The following MAMDC2 variants were observed in gnomAD, a reference collection of about 807,000 sequenced individuals.
MAMDC2 encodes MAM domain containing 2.
A neutral mutation model predicts 89.8 loss-of-function variants in MAMDC2; 57 were observed. The observed-to-expected ratio is 0.63, with a 90% CI of 0.51 to 0.79. The LOEUF is 0.79. Ranked by LOEUF, MAMDC2 falls within the 30% of genes least tolerant of loss-of-function variation. MAMDC2 has a pLI of 0.00. For synonymous variants in MAMDC2, 313 were observed against 293.4 expected (o/e 1.07, Z -0.68); for missense variants, 800 against 820.6 (o/e 0.97, Z 0.31).
At position 70,140,235 on chromosome 9, in the gene MAMDC2, G is replaced by C. The variant is rs368297806; in HGVS notation, c.1085G>C (p.Arg362Pro). The C allele has an allele frequency of 6.3e-7, 1 of 1,599,618 alleles. No individual in the cohort carries two copies. Among genetic ancestry groups the C allele is most frequent in the Non-Finnish European group, 8.5e-7 (1 of 1,175,584 alleles). Residue 362 changes from arginine to proline, a missense_variant, in exon 8 of 14, where the codon CGA becomes CCA. Physicochemically the swap from Arg to Pro is moderately radical, Grantham distance 103. Transcript: ENST00000377182. ...GATAAAGAAGGTCCAGGTTGGACCC[G>C]AGTGAAAGTAAAACCAAACATGTAT... ...YQDKEGPGWT[R>P]VKVKPNMYRA... is the part of the protein sequence containing the mutation.
chr9:70,215,450 T>C (rs1445906554), intron 11 of MAMDC2, among the ~76,000 whole-genome samples: 3 of 152,222 alleles, frequency 2.0e-5, no homozygotes, highest in African/African-American at 7.2e-5. Flanking sequence ...AGATGAAAAG[T>C]TGAAGTTGAC....
At chr9:70,123,351 T>G (rs1163264729) in intron 5 of MAMDC2, among the ~76,000 whole-genome samples, 1 of 151,964 alleles carries the variant, frequency 6.6e-6, no homozygotes, top group African/African-American at 2.4e-5. Flanking sequence ...CAGGAGTGCT[T>G]TAGAGGGTTT....
intron 11 of MAMDC2, 153 bp from the exon 12 acceptor site, chr9:70,218,181 TCTC>T (rs1351478972): frequency 5.7e-6 from 4 of 698,130 alleles, no homozygotes; most frequent in Non-Finnish European, 8.9e-6. Flanking sequence ...AGTTATTCAT[TCTC>T]CTTAGATAAT....
intron 2 of MAMDC2, among the ~76,000 whole-genome samples, chr9:70,078,385 A>G (rs550838257): frequency 1.2e-4 from 19 of 152,320 alleles, no homozygotes; most frequent in African/African-American, 4.1e-4. Flanking sequence ...GGCACAAAAT[A>G]TAATTTAAAC....
intron 11 of MAMDC2, among the ~76,000 whole-genome samples, chr9:70,202,519 A>C (rs1335894065): frequency 2.6e-5 from 4 of 151,304 alleles, no homozygotes; most frequent in Non-Finnish European, 5.9e-5. Context: ...GCTGAAAAAA[A>C]ATGTATATTC....
In MAMDC2 at chr9:70,126,421, T is replaced by G. The variant is rs2030553710; in HGVS notation, c.900+6T>G. The G allele has an allele frequency of 1.2e-6, 2 of 1,610,222 alleles. No individual in the cohort carries two copies. The highest frequency in any genetic ancestry group is 1.7e-6 in the Non-Finnish European group (2 of 1,178,080). On this transcript the variant is annotated splice_donor_region_variant and intron_variant, in intron 6 of 13. Transcript: ENST00000377182. ...GTGCTCCTTACCCCATGGAGGTAGG[T>G]GTACTGGTGCGCACCAGCTGTTCAC...
chr9:70,083,307 T>C (rs1300378320), intron 2 of MAMDC2: 1 of 152,186 alleles, frequency 6.6e-6, no homozygotes, highest in Non-Finnish European at 1.5e-5. Context: ...TGTATATCTA[T>C]GGGATTCTCT....
intron 11 of MAMDC2, 121 bp from the exon 12 acceptor site, chr9:70,218,216 A>C: frequency 4.6e-6 from 5 of 1,090,484 alleles, no homozygotes; most frequent in Non-Finnish European, 6.4e-6. Context: ...AAAATTATAA[A>C]ACCCTTTATC....
At chr9:70,065,682 TCACTC>T (rs1440863393) in intron 2 of MAMDC2, among the ~76,000 whole-genome samples, 19 of 152,034 alleles carry the variant, frequency 1.2e-4, no homozygotes, top group African/African-American at 4.6e-4. Context: ...AACGTGTACT[TCACTC>T]CAATCCCTGG....
chr9:70,172,426 T>C (rs931419834), intron 11 of MAMDC2: 3 of 152,376 alleles, frequency 2.0e-5, no homozygotes, highest in African/African-American at 7.2e-5. Flanking sequence ...TGAATGTCCT[T>C]TGTTATGACA....
chr9:70,215,735 T>G (rs566180035), intron 11 of MAMDC2, among the ~76,000 whole-genome samples: 1 of 152,228 alleles, frequency 6.6e-6, no homozygotes, highest in East Asian at 1.9e-4. Context: ...TGGGGCAGCG[T>G]CATTCCTTAT....
chr9:70,174,611 C>A (rs187999285), intron 11 of MAMDC2, among the ~76,000 whole-genome samples: 1 of 152,012 alleles, frequency 6.6e-6, no homozygotes, highest in African/African-American at 2.4e-5. Flanking sequence ...AACAGCAAGG[C>A]GGCTGGTTTA....
chr9:70,154,328 AG>A (rs1432775951), intron 9 of MAMDC2: 1 of 152,188 alleles, frequency 6.6e-6, no homozygotes, highest in Non-Finnish European at 1.5e-5. Flanking sequence ...GTTGATGGTA[AG>A]GAAGAACATA....
chr9:70,137,132 G>A (rs2031041611), intron 7 of MAMDC2, among the ~76,000 whole-genome samples: 1 of 151,736 alleles, frequency 6.6e-6, no homozygotes, highest in Admixed American at 6.6e-5. Context: ...TTTTTGTAAT[G>A]TGTTGTTAAT....
At chr9:70,046,109 G>A (rs1475306854) in intron 2 of MAMDC2, among the ~76,000 whole-genome samples, 1 of 152,196 alleles carries the variant, frequency 6.6e-6, no homozygotes. Flanking sequence ...CACTCCTCCA[G>A]CACGGGGCTT....
chr9:70,045,162 A>G (rs1826716435), intron 2 of MAMDC2, among the ~76,000 whole-genome samples: 1 of 152,234 alleles, frequency 6.6e-6, no homozygotes, highest in East Asian at 1.9e-4. Context: ...GTGCTAAGAC[A>G]TCACGTCTGC....
chr9:70,108,967 T>C (rs1220609816), intron 3 of MAMDC2, among the ~76,000 whole-genome samples: 1 of 152,214 alleles, frequency 6.6e-6, no homozygotes, highest in Non-Finnish European at 1.5e-5. Flanking sequence ...AGGGAAGTTG[T>C]TCCTTTGGGA....
chr9:70,111,264 A>ATG (rs1563959122), intron 4 of MAMDC2, among the ~76,000 whole-genome samples: 1 of 152,200 alleles, frequency 6.6e-6, no homozygotes, highest in African/African-American at 2.4e-5. Flanking sequence ...TAGGAGGAGG[A>ATG]ATATCCTGGT....
intron 2 of MAMDC2, among the ~76,000 whole-genome samples, chr9:70,079,923 G>C (rs1364191984): frequency 6.6e-6 from 1 of 152,106 alleles, no homozygotes; most frequent in Non-Finnish European, 1.5e-5. Context: ...AAGTTTGTCT[G>C]CAAACAGAGC....
Sources: gnomAD v4.1 joint callset for allele counts (sites outside exome capture counted in the v4.1 genomes callset) on GRCh38, gnomAD v4.1.1 for gene constraint, MANE v1.5 for transcripts, NCBI Gene and HGNC (gene_info 2026-07-23, HGNC 2026-07-21) for gene names.